Variants in ARAP1 observed in about 807,000 individuals in gnomAD.
ARAP1 encodes the protein arf-GAP with Rho-GAP domain, ANK repeat and PH domain-containing protein 1.
A neutral mutation model predicts 172.2 loss-of-function variants in ARAP1; 76 were observed. The ratio of observed to expected loss-of-function variants is 0.44; its 90% CI spans 0.37 to 0.53. The LOEUF (loss-of-function observed/expected upper bound fraction) is 0.53. Ranked by LOEUF, ARAP1 falls within the 20% of genes least tolerant of loss-of-function variation. The pLI, the probability that ARAP1 is intolerant of heterozygous loss-of-function variation, is 0.00. For synonymous variants in ARAP1, 804 were observed against 803.3 expected, an observed-to-expected ratio of 1.00 and a Z score of -0.01; for missense variants, 1,686 against 1,977.5, an observed-to-expected ratio of 0.85 and a Z score of 2.80.
chr11:72,689,221 C>T (rs967765058), intron 30 of ARAP1, among the ~76,000 whole-genome samples: 1 of 152,222 alleles, frequency 6.6e-6, no homozygotes, highest in Non-Finnish European at 1.5e-5. Context: ...AAATGTTCAC[C>T]TCTGGCCCCC....
chr11:72,741,600 A>G lies in ARAP1; in HGVS notation c.-127-9003T>C, dbSNP rs60497375. ...ACTCCAGGAAGATCCTCCTGTGACCACTGCCCCCAGCGGGAGCAGGAGGGG... is the reference window on the plus strand; with the variant it reads ...ACTCCAGGAAGATCCTCCTGTGACCGCTGCCCCCAGCGGGAGCAGGAGGGG... On this transcript the variant is annotated intron_variant, in intron 1 of 34. Transcript: ENST00000393609. The surrounding 1 kb of genome is among the most constrained non-coding windows in gnomAD (Gnocchi z 4.5). Among the ~76,000 whole-genome samples the G allele has an allele frequency of 0.18, 27,712 of 152,118 alleles. 3,881 individuals are homozygous for G. Among genetic ancestry groups the G allele is most frequent in the African/African-American group, 0.39 (16,119 of 41,482 alleles).
chr11:72,722,198 T>A (rs974033345), intron 3 of ARAP1: 6 of 908,154 alleles, frequency 6.6e-6, no homozygotes, highest in Middle Eastern at 5.8e-4. Context: ...AGAGAGAGAG[T>A]GTGTGTGAGT....
rs374336730 is a variant in ARAP1 at position 72,697,580 on chromosome 11, A to G, written c.2789+18T>C. ...TGCTCCAGCCTTCTCAGAGCCCCTC[A>G]GGGAGGCCGTGGCTCACCTCCTTCG... is the stretch of plus-strand genomic sequence containing the variant. On this transcript the variant is annotated intron_variant, in intron 20 of 34. Transcript: ENST00000393609. The G allele has an allele frequency of 4.7e-5, 76 of 1,613,844 alleles. No homozygotes were observed. Among genetic ancestry groups the G allele is most frequent in the Non-Finnish European group, 6.0e-5 (71 of 1,179,916 alleles).
rs1249858677 is a variant in ARAP1, at chr11:72,687,729, G to C, written c.4080C>G (p.Phe1360Leu). ...KKLRPPTCWG[F>L]TVVHETEKHE... is the part of the protein sequence containing the mutation. ...GTTTCTCTGTCTCATGCACCACTGT[G>C]AAGCCCCAGCTACAGAGGAAGAAGG... The change falls in exon 32 of 35, where the codon TTC becomes TTG. Residue 1360 changes from phenylalanine (F) to leucine (L), a missense_variant. Phe to Leu is a conservative substitution (Grantham distance 22). Around this residue, in one of 5 missense-constraint regions of ARAP1, gnomAD observed 379 missense variants for 500.1 expected, o/e 0.76. Coordinates refer to ENST00000393609, the MANE Select transcript of ARAP1 (RefSeq NM_001040118.3). 1 of 1,614,190 alleles carries C rather than the reference G, an allele frequency of 6.2e-7. No individual in the cohort carries two copies. Among genetic ancestry groups the C allele is most frequent in the African/African-American group, 1.3e-5 (1 of 75,052 alleles).
chr11:72,719,320 C>G (rs1236844756), intron 3 of ARAP1, among the ~76,000 whole-genome samples: 1 of 152,224 alleles, frequency 6.6e-6, no homozygotes, highest in East Asian at 1.9e-4. Context: ...TTAAAAGAGG[C>G]ACTATTAATA....
intron 2 of ARAP1, among the ~76,000 whole-genome samples, chr11:72,731,990 GA>G (rs1288936788): frequency 9.9e-5 from 15 of 151,302 alleles, no homozygotes; most frequent in Admixed American, 1.3e-4. Context: ...TAAAGAAAAA[GA>G]AAAAAATATA....
At chr11:72,751,362 G>T (rs1462146928) in intron 1 of ARAP1, among the ~76,000 whole-genome samples, 1 of 152,098 alleles carries the variant, frequency 6.6e-6, no homozygotes, top group Non-Finnish European at 1.5e-5. Flanking sequence ...CTTGTAAATT[G>T]CCACTTAACT....
At chr11:72,721,773 A>G in intron 3 of ARAP1, 1 of 987,012 alleles carries the variant, frequency 1.0e-6, no homozygotes, top group Non-Finnish European at 1.2e-6. Flanking sequence ...GAGGTGACAG[A>G]CAGGGACTTC....
Position 72,693,723 on chromosome 11 carries a change from G to T in ARAP1, c.3777C>A (p.His1259Gln). Residue 1259 changes from histidine to glutamine, a missense_variant, in exon 28 of 35, where the codon CAC becomes CAA. By Grantham distance (24) the His-to-Gln change is conservative. Transcript: ENST00000393609. This position sits in a 1 kb window ranked among gnomAD's most constrained non-coding sequence, Gnocchi z 4.6. The part of the protein sequence containing the change: ...GTDSHLVVKK[H>Q]QAMEAMLLYL... Reference sequence around the variant, plus strand: ...ACAGCAGCATGGCCTCCATGGCCTGGTGCTTCTTCACCACCAGGTGGCTGT... The same window carrying T: ...ACAGCAGCATGGCCTCCATGGCCTGTTGCTTCTTCACCACCAGGTGGCTGT... The T allele has an allele frequency of 6.2e-7, 1 of 1,610,150 alleles. No individual in the cohort carries two copies.
chr11:72,704,090 G>C (rs1176609965), intron 14 of ARAP1, 62 bp downstream of exon 14: 1 of 1,601,160 alleles, frequency 6.2e-7, no homozygotes, highest in African/African-American at 1.3e-5. Flanking sequence ...GACAGCATGA[G>C]GAACAGGGCA....
chr11:72,691,735 C>T (rs1855940446), intron 30 of ARAP1, among the ~76,000 whole-genome samples: 1 of 152,112 alleles, frequency 6.6e-6, no homozygotes, highest in South Asian at 2.1e-4. Flanking sequence ...TGTGGGAGCT[C>T]AGGCTAGACC....
rs543583235 is a variant in ARAP1 at position 72,706,004 on chromosome 11, AG to A, written c.1724-115del. On this transcript the variant is annotated intron_variant, in intron 12 of 34. Transcript: ENST00000393609. ...GGATGAGAGGCCACAGGCAGGCCCCAGGGGGTAGGCCTGCTGGCAGCTCTGG... is the reference window on the plus strand; with the variant it reads ...GGATGAGAGGCCACAGGCAGGCCCCAGGGGTAGGCCTGCTGGCAGCTCTGG... The A allele has an allele frequency of 7.0e-6, 7 of 1,001,998 alleles. No homozygotes were observed. The South Asian group carries it at 8.7e-5, about 12-fold the overall frequency. 62.1% of individuals were successfully genotyped at this position (1,001,998 alleles called of 1,614,324 possible). A position where few individuals can be genotyped will look rare whatever the true frequency, so the allele number is the denominator to read the frequency against.
chr11:72,699,203 C>A lies in ARAP1; in HGVS notation c.2439-96G>T. 6.8e-7 allele frequency: 1 copy of A among 1,464,968 alleles called. No individual in the cohort carries two copies. The highest frequency in any genetic ancestry group is 1.4e-5 in the African/African-American group (1 of 72,130). The allele number at this position is 1,464,968 out of a possible 1,614,324, so 90.7% of individuals were successfully genotyped here. On this transcript the variant is annotated intron_variant, in intron 17 of 34. Coordinates refer to ENST00000393609, the MANE Select transcript of ARAP1 (RefSeq NM_001040118.3). The surrounding 1 kb of genome is among the most constrained non-coding windows in gnomAD (Gnocchi z 4.2). Reference sequence around the variant, plus strand: ...ACCGCCATCCTCTGCCCCCTCCGCACTGCCTTGGCGCTTGTCCTTATTCTG... The same window carrying A: ...ACCGCCATCCTCTGCCCCCTCCGCAATGCCTTGGCGCTTGTCCTTATTCTG...
At chr11:72,714,376 A>G (rs1857181265) in intron 3 of ARAP1, 55 bp from the exon 4 acceptor site, 1 of 1,507,168 alleles carries the variant, frequency 6.6e-7, no homozygotes, top group Non-Finnish European at 8.9e-7. Flanking sequence ...AGACTGAAAC[A>G]TACTGAGCCC....
At chr11:72,692,849 A>T in intron 29 of ARAP1, 64 bp from the exon 30 acceptor site, 1 of 1,600,086 alleles carries the variant, frequency 6.2e-7, no homozygotes, top group Non-Finnish European at 8.5e-7. Flanking sequence ...CAGCATGTGC[A>T]GTGATGTGTG....
At chr11:72,720,602 G>A (rs1425913421) in intron 3 of ARAP1, among the ~76,000 whole-genome samples, 1 of 152,128 alleles carries the variant, frequency 6.6e-6, no homozygotes, top group Non-Finnish European at 1.5e-5. Flanking sequence ...ACTGGAGAAG[G>A]TCTGCAGCTC....
At position 72,695,714 on chromosome 11, in the gene ARAP1, G is replaced by A. The variant is rs369948223; in HGVS notation, c.3420+4C>T. The A allele has an allele frequency of 8.1e-5, 131 of 1,613,982 alleles. No homozygotes were observed. The highest frequency in any genetic ancestry group is 9.7e-5 in the Non-Finnish European group (114 of 1,179,982). Reference sequence around the variant, plus strand: ...CCTCCACTGCCCACTGGCCAGGGACGCACACTAAACACCACCACATAGTGG... The same window carrying A: ...CCTCCACTGCCCACTGGCCAGGGACACACACTAAACACCACCACATAGTGG... On this transcript the variant is annotated splice_donor_region_variant and intron_variant, in intron 24 of 34. Transcript: ENST00000393609. The surrounding 1 kb of genome is among the most constrained non-coding windows in gnomAD (Gnocchi z 4.4).
chr11:72,693,469 G>A lies in ARAP1; in HGVS notation c.3810C>T (p.Ala1270=), dbSNP rs1250258777. ...QAMEAMLLYL[A]SRVGDTKHGM... Reference sequence around the variant, plus strand: ...CATGCTTGGTGTCACCGACACGGCTGGCTGGGGGGTGGGACTGGAGTGGGC... The same window carrying A: ...CATGCTTGGTGTCACCGACACGGCTAGCTGGGGGGTGGGACTGGAGTGGGC... Residue 1270 remains alanine (A), a splice_region_variant and synonymous_variant, in exon 29 of 35, where the codon GCC becomes GCT. Transcript: ENST00000393609. The surrounding 1 kb of genome is among the most constrained non-coding windows in gnomAD (Gnocchi z 4.6). 1 of 1,612,436 alleles carries A rather than the reference G, an allele frequency of 6.2e-7. No homozygotes were observed. Among genetic ancestry groups the A allele is most frequent in the Non-Finnish European group, 8.5e-7 (1 of 1,179,006 alleles).
chr11:72,738,132 G>A (rs1434669031), intron 1 of ARAP1, among the ~76,000 whole-genome samples: 2 of 152,208 alleles, frequency 1.3e-5, no homozygotes, highest in East Asian at 1.9e-4. Context: ...AGGTGGCCAG[G>A]TGGAGGCCAT....
Sources: gnomAD v4.1 joint callset for allele counts (sites outside exome capture counted in the v4.1 genomes callset) on GRCh38, gnomAD v4.1.1 for gene constraint, gnomAD v4.1.1 regional missense constraint, Gnocchi (gnomAD v3.1) non-coding constraint, MANE v1.5 for transcripts, NCBI Gene and HGNC (gene_info 2026-07-23, HGNC 2026-07-21) for gene names.